KIAA0930: variants seen among roughly 807,000 people sequenced by gnomAD.
The protein encoded by KIAA0930 is uncharacterized protein KIAA0930.
Under a neutral mutation model 43.9 loss-of-function variants are expected in KIAA0930, and 24 were observed. The ratio of observed to expected loss-of-function variants is 0.55; its 90% confidence interval spans 0.40 to 0.77. The LOEUF is 0.77. KIAA0930 is among the 30% of genes least tolerant of loss of function. The probability of loss-of-function intolerance (pLI) is 0.00; values close to 1 mark genes in which losing one functional copy is unlikely to be tolerated. For missense variants in KIAA0930, 461 were observed against 574.2 expected (o/e 0.80, Z 2.02); for synonymous variants, 259 against 216.4 (o/e 1.20, Z -1.73).
Position 45,192,795 on chromosome 22 carries a change from C to T in KIAA0930, c.*4381G>A, listed in dbSNP as rs1044498557. On this transcript the variant is annotated 3_prime_UTR_variant, in exon 10 of 10. Transcript: ENST00000336156. The stretch of plus-strand genomic sequence containing the variant: ...GCAGCTGCCTCCACTTCTGAGGCTC[C>T]CCCTGCGGGAGGAGCTCTGAACCCA... 3.9e-5 allele frequency: 6 copies of T among 152,264 alleles called. No individual in the cohort carries two copies. Among genetic ancestry groups the T allele is most frequent in the Non-Finnish European group, 7.3e-5 (5 of 68,070 alleles). 9.4% of individuals were successfully genotyped at this position (152,264 alleles called of 1,614,324 possible). A position where few individuals can be genotyped will look rare whatever the true frequency, so the allele number is the denominator to read the frequency against.
At chr22:45,235,834 T>C (rs1474077902) in intron 1 of KIAA0930, among the ~76,000 whole-genome samples, 1 of 152,170 alleles carries the variant, frequency 6.6e-6, no homozygotes, top group Non-Finnish European at 1.5e-5. Flanking sequence ...CTGGAGTGCT[T>C]AGCCAGGGCT....
intron 1 of KIAA0930, among the ~76,000 whole-genome samples, chr22:45,237,098 C>T (rs1364013836): frequency 6.6e-6 from 1 of 152,258 alleles, no homozygotes; most frequent in African/African-American, 2.4e-5. Flanking sequence ...AAGGCCCAAG[C>T]CCCGGGAAGA....
intron 2 of KIAA0930, among the ~76,000 whole-genome samples, chr22:45,209,741 T>G (rs372349916): frequency 1.3e-5 from 2 of 152,162 alleles, no homozygotes; most frequent in African/African-American, 4.8e-5. Context: ...CAGCACTGAG[T>G]GTGGGGGGGC....
chr22:45,198,378 C>A (rs1232133936), intron 8 of KIAA0930, among the ~76,000 whole-genome samples: 6 of 152,212 alleles, frequency 3.9e-5, no homozygotes, highest in Non-Finnish European at 8.8e-5. Flanking sequence ...GGGAACCTGC[C>A]CCAGAGAGGC....
intron 1 of KIAA0930, among the ~76,000 whole-genome samples, chr22:45,219,582 GTTTTTTTTTTTTTT>G (rs535482000): frequency 1.6e-5 from 1 of 61,212 alleles, no homozygotes; most frequent in Non-Finnish European, 3.1e-5. Flanking sequence ...AGAGGTGATT[GTTTTTTTTTTTTTT>G]TTTTTTTTTT....
In KIAA0930 at chr22:45,197,174, G is replaced by T. The variant is rs3179803; in HGVS notation, c.*2C>A. 1.2e-5 allele frequency: 19 copies of T among 1,548,988 alleles called. No individual in the cohort carries two copies. The African/African-American group carries it at 2.1e-4, about 17-fold the overall frequency. ...GGGGCTCTGCGCAGGCTCCGCACGC[G>T]GCTAGGTCATCAGGATGGGCTTCTG... On this transcript the variant is annotated 3_prime_UTR_variant, in exon 10 of 10. Transcript: ENST00000336156.
chr22:45,232,262 C>A (rs1469311084), intron 1 of KIAA0930, among the ~76,000 whole-genome samples: 1 of 152,248 alleles, frequency 6.6e-6, no homozygotes, highest in East Asian at 1.9e-4. Context: ...AATCCACACG[C>A]TTCATAACAT....
intron 1 of KIAA0930, among the ~76,000 whole-genome samples, chr22:45,232,391 T>A (rs2083859360): frequency 6.6e-6 from 1 of 152,244 alleles, no homozygotes. Flanking sequence ...TTAAAGATAA[T>A]GGACACGTGG....
At chr22:45,239,765 TG>T (rs1192399814) in intron 1 of KIAA0930, among the ~76,000 whole-genome samples, 1 of 152,074 alleles carries the variant, frequency 6.6e-6, no homozygotes, top group African/African-American at 2.4e-5. Context: ...CAGCCTAGCC[TG>T]GGGGTGGGGT....
intron 1 of KIAA0930, among the ~76,000 whole-genome samples, chr22:45,228,741 CCTACCACCACT>C (rs1489006426): frequency 2.5e-5 from 2 of 79,140 alleles, no homozygotes; most frequent in Non-Finnish European, 4.8e-5. Flanking sequence ...TCTCCACCCC[CCTACCACCACT>C]CACCCGAAAG....
intron 1 of KIAA0930, among the ~76,000 whole-genome samples, chr22:45,231,541 C>A (rs77460423): frequency 2.6e-5 from 4 of 152,038 alleles, no homozygotes; most frequent in African/African-American, 7.3e-5. Flanking sequence ...GCCACCACCC[C>A]CTCCCCAGGG....
At chr22:45,222,632 G>A (rs13058044) in intron 1 of KIAA0930, among the ~76,000 whole-genome samples, 3,073 of 123,234 alleles carry the variant, frequency 0.025, 100 homozygotes, top group African/African-American at 0.09. Context: ...TTCTATAGGG[G>A]AAAAAAAACC....
chr22:45,208,157 C>T (rs1473597419), intron 2 of KIAA0930, among the ~76,000 whole-genome samples: 1 of 152,166 alleles, frequency 6.6e-6, no homozygotes, highest in Non-Finnish European at 1.5e-5. Context: ...GGTGGCCAGG[C>T]CGCCATGGTA....
At chr22:45,201,734 C>G (rs1452681304) in intron 7 of KIAA0930, among the ~76,000 whole-genome samples, 1 of 152,172 alleles carries the variant, frequency 6.6e-6, no homozygotes, top group African/African-American at 2.4e-5. Context: ...ACATTCATTG[C>G]AGAAGATACC....
At chr22:45,223,498 CTCCT>C (rs756021331) in intron 1 of KIAA0930, among the ~76,000 whole-genome samples, 13 of 152,172 alleles carry the variant, frequency 8.5e-5, no homozygotes, top group Non-Finnish European at 1.6e-4. Context: ...TGGTATCTAC[CTCCT>C]GGGTTGTTGA....
chr22:45,209,102 C>T (rs996747866), intron 2 of KIAA0930, among the ~76,000 whole-genome samples: 6 of 152,222 alleles, frequency 3.9e-5, no homozygotes, highest in Admixed American at 2.0e-4. Context: ...CTGGAGCACT[C>T]GGGGTTCCTG....
chr22:45,211,253 C>G (rs2083690676), intron 2 of KIAA0930: 2 of 395,304 alleles, frequency 5.1e-6, no homozygotes, highest in Non-Finnish European at 8.9e-6. Context: ...TGAAGGAAAA[C>G]AAAAGCGTTT....
At chr22:45,223,965 T>C (rs2083783417) in intron 1 of KIAA0930, among the ~76,000 whole-genome samples, 1 of 152,120 alleles carries the variant, frequency 6.6e-6, no homozygotes, top group Non-Finnish European at 1.5e-5. Flanking sequence ...GGTGGGAAAG[T>C]ATTATTACAT....
chr22:45,211,469 G>A, intron 2 of KIAA0930: 3 of 402,020 alleles, frequency 7.5e-6, no homozygotes, highest in African/African-American at 2.1e-5. Flanking sequence ...CTGTCGAGTT[G>A]TTGGGACTTC....
Sources: gnomAD v4.1 joint callset for allele counts (sites outside exome capture counted in the v4.1 genomes callset) on GRCh38, gnomAD v4.1.1 for gene constraint, MANE v1.5 for transcripts, NCBI Gene and HGNC (gene_info 2026-07-23, HGNC 2026-07-21) for gene names.